The following DOCK5 variants were observed in gnomAD, a reference collection of about 807,000 sequenced individuals.
The protein encoded by DOCK5 is dedicator of cytokinesis protein 5.
A neutral mutation model predicts 251.8 loss-of-function variants in DOCK5; 142 were observed. The observed-to-expected ratio is 0.56, with a 90% CI of 0.49 to 0.65. The LOEUF (loss-of-function observed/expected upper bound fraction) is 0.65, where lower values mean the gene tolerates loss of function less well. Among genes scored for constraint, DOCK5 ranks in the 30% least tolerant of loss-of-function variants. The pLI is 0.00. For synonymous variants in DOCK5, 842 were observed against 835.5 expected, an observed-to-expected ratio of 1.01 and a Z score of -0.13; for missense variants, 2,111 against 2,312.3, an observed-to-expected ratio of 0.91 and a Z score of 1.79.
intron 42 of DOCK5, 65 bp from the exon 43 acceptor site, chr8:25,391,831 G>C (rs1296914401): frequency 1.4e-6 from 2 of 1,473,470 alleles, no homozygotes; most frequent in Non-Finnish European, 1.9e-6. Flanking sequence ...AGGTTTTGTT[G>C]AAGTCAAGTC....
rs1396748365 is a variant in DOCK5 at position 25,254,793 on chromosome 8, C to CAA, written c.127+11047_127+11048dup. 5.2e-5 allele frequency among the ~76,000 whole-genome samples: 4 copies of CAA among 76,212 alleles called. 1 individual carries two copies. The highest frequency in any genetic ancestry group is 9.0e-5 in the Non-Finnish European group (4 of 44,670). The allele number at this position is 76,212 out of a possible 152,430, so 50.0% of individuals were successfully genotyped here. A position where few individuals can be genotyped will look rare whatever the true frequency, so the allele number is the denominator to read the frequency against. On this transcript the variant is annotated intron_variant, in intron 2 of 51. Coordinates refer to ENST00000276440, the MANE Select transcript of DOCK5 (RefSeq NM_024940.8). ...TGTCTCAAAAAAAAACAAAACAAAA[C>CAA]AAAAAAAAAAAACATTTGATAAAGG... is the stretch of plus-strand genomic sequence containing the variant.
intron 28 of DOCK5, among the ~76,000 whole-genome samples, chr8:25,362,457 CTTTT>C: frequency 1.1e-5 from 1 of 87,766 alleles, no homozygotes; most frequent in East Asian, 3.9e-4. Context: ...CTTTTCTTTT[CTTTT>C]CTTTTTTTTT....
Position 25,198,507 on chromosome 8 carries a change from C to T in DOCK5, c.43+13556C>T, listed in dbSNP as rs181211428. On this transcript the variant is annotated intron_variant, in intron 1 of 51. Transcript: ENST00000276440. ...AAATCACTTGAACCCGGGAGGCAGACGTTGCAGTAAGCTGAGATCGTGCCA... is the reference window on the plus strand; with the variant it reads ...AAATCACTTGAACCCGGGAGGCAGATGTTGCAGTAAGCTGAGATCGTGCCA... Among the ~76,000 whole-genome samples the T allele has an allele frequency of 4.0e-5, 6 of 151,832 alleles. No homozygotes were observed. In the East Asian group the frequency reaches 7.8e-4, roughly 20 times the overall value.
intron 1 of DOCK5, among the ~76,000 whole-genome samples, chr8:25,220,091 ATATTAT>A (rs1425774791): frequency 6.7e-6 from 1 of 150,302 alleles, no homozygotes; most frequent in Non-Finnish European, 1.5e-5. Flanking sequence ...GATCGCTTTG[ATATTAT>A]TATTATTATT....
intron 13 of DOCK5, among the ~76,000 whole-genome samples, chr8:25,310,855 C>T (rs1226776078): frequency 6.6e-6 from 1 of 152,068 alleles, no homozygotes; most frequent in Non-Finnish European, 1.5e-5. Context: ...GGTGTGCAAG[C>T]CCAAGATAAT....
chr8:25,392,294 ACTT>A (rs1801274201), intron 43 of DOCK5, among the ~76,000 whole-genome samples: 1 of 133,946 alleles, frequency 7.5e-6, no homozygotes, highest in Non-Finnish European at 1.6e-5. Flanking sequence ...ACAGAGCGAG[ACTT>A]CGTCTCAAAA....
chr8:25,276,765 G>A (rs548047418), intron 4 of DOCK5, among the ~76,000 whole-genome samples: 3 of 152,136 alleles, frequency 2.0e-5, no homozygotes, highest in Non-Finnish European at 4.4e-5. Flanking sequence ...TGTTTAAAAA[G>A]TGTAAATGTC....
chr8:25,195,392 A>G (rs1258434950), intron 1 of DOCK5, among the ~76,000 whole-genome samples: 1 of 151,822 alleles, frequency 6.6e-6, no homozygotes, highest in Non-Finnish European at 1.5e-5. Context: ...AAGCCCAGCT[A>G]AGAGGAACTT....
chr8:25,253,841 A>C (rs1343204535), intron 2 of DOCK5, among the ~76,000 whole-genome samples: 13 of 152,256 alleles, frequency 8.5e-5, no homozygotes, highest in Admixed American at 8.5e-4. Flanking sequence ...TTATAGATTC[A>C]AAGCAATCCC....
At chr8:25,393,319 A>C (rs577065538) in intron 44 of DOCK5, among the ~76,000 whole-genome samples, 1 of 152,230 alleles carries the variant, frequency 6.6e-6, no homozygotes, top group East Asian at 1.9e-4. Context: ...GTATTGATTA[A>C]ATCTGTTTTA....
chr8:25,325,151 T>C (rs958817649), intron 17 of DOCK5, among the ~76,000 whole-genome samples: 1 of 152,196 alleles, frequency 6.6e-6, no homozygotes, highest in Non-Finnish European at 1.5e-5. Flanking sequence ...GGTTTCTAGT[T>C]CACAACTTAT....
At chr8:25,241,803 C>T (rs1291589141) in intron 1 of DOCK5, among the ~76,000 whole-genome samples, 5 of 151,104 alleles carry the variant, frequency 3.3e-5, no homozygotes, top group East Asian at 3.9e-4. Context: ...ATATATACAC[C>T]GTGGAATACT....
chr8:25,413,914 G>A lies in DOCK5; in HGVS notation c.*2616G>A, dbSNP rs916805351. On this transcript the variant is annotated 3_prime_UTR_variant, in exon 52 of 52. Transcript: ENST00000276440. Reference sequence around the variant, plus strand: ...GAATTCATAAATAATGTGTCCTGAAGTCAGAGGATGACTGCAAAGAAACAC... The same window carrying A: ...GAATTCATAAATAATGTGTCCTGAAATCAGAGGATGACTGCAAAGAAACAC... 2 of 152,136 alleles carry A rather than the reference G, an allele frequency of 1.3e-5. No individual in the cohort carries two copies. The highest frequency in any genetic ancestry group is 4.8e-5 in the African/African-American group (2 of 41,422). The allele number at this position is 152,136 out of a possible 1,614,324, so 9.4% of individuals were successfully genotyped here.
At chr8:25,252,682 G>T (rs1803303118) in intron 2 of DOCK5, among the ~76,000 whole-genome samples, 1 of 152,176 alleles carries the variant, frequency 6.6e-6, no homozygotes, top group South Asian at 2.1e-4. Context: ...AAAGATATGT[G>T]TGGCAGTAGG....
intron 2 of DOCK5, among the ~76,000 whole-genome samples, chr8:25,252,661 T>G (rs1586266841): frequency 2.0e-5 from 3 of 152,204 alleles, no homozygotes; most frequent in African/African-American, 7.2e-5. Context: ...GTTCCTGAGA[T>G]GTGTTTTTCA....
chr8:25,228,093 T>C (rs1802575350), intron 1 of DOCK5, among the ~76,000 whole-genome samples: 1 of 152,110 alleles, frequency 6.6e-6, no homozygotes, highest in Non-Finnish European at 1.5e-5. Context: ...CTCAGGCTGG[T>C]CTCAAACTCC....
chr8:25,272,027 A>G (rs1803925515), intron 3 of DOCK5, among the ~76,000 whole-genome samples: 1 of 152,162 alleles, frequency 6.6e-6, no homozygotes, highest in East Asian at 1.9e-4. Context: ...ATACATATAT[A>G]CATACATACA....
At chr8:25,327,884 T>A (rs1295920225) in intron 18 of DOCK5, among the ~76,000 whole-genome samples, 1 of 152,146 alleles carries the variant, frequency 6.6e-6, no homozygotes, top group East Asian at 1.9e-4. Flanking sequence ...AGATTTTAAG[T>A]GTTCTCACCA....
intron 12 of DOCK5, among the ~76,000 whole-genome samples, chr8:25,309,654 T>C (rs1296483859): frequency 6.6e-6 from 1 of 152,176 alleles, no homozygotes; most frequent in Non-Finnish European, 1.5e-5. Flanking sequence ...GTTTTTAGTA[T>C]CTCCATATCA....
Sources: allele counts gnomAD v4.1 joint callset (sites outside exome capture counted in the v4.1 genomes callset), GRCh38; gene constraint gnomAD v4.1.1; transcripts MANE v1.5; gene names NCBI Gene and HGNC (gene_info 2026-07-23, HGNC 2026-07-21).